Variants in DLG2 observed in about 807,000 individuals in gnomAD.
DLG2 encodes disks large homolog 2.
In DLG2, 45 loss-of-function variants were observed where a neutral mutation model predicts 132.5. The observed-to-expected ratio is 0.34, with a 90% CI of 0.27 to 0.44. The LOEUF (loss-of-function observed/expected upper bound fraction) is 0.44, where lower values mean the gene tolerates loss of function less well. Ranked by LOEUF, DLG2 falls within the 20% of genes least tolerant of loss-of-function variation. The probability of loss-of-function intolerance (pLI) is 1.00; values close to 1 mark genes in which losing one functional copy is unlikely to be tolerated. For missense variants in DLG2, 1,045 were observed against 1,196.9 expected (o/e 0.87, Z 1.87); for synonymous variants, 424 against 419.6 (o/e 1.01, Z -0.13).
At position 84,592,863 on chromosome 11, in the gene DLG2, C is replaced by T. The variant is rs547653133; in HGVS notation, c.358-58132G>A. On this transcript the variant is annotated intron_variant, in intron 6 of 27. Coordinates refer to ENST00000376104, the MANE Select transcript of DLG2 (RefSeq NM_001142699.3). ...CTGTAATCCCAGCACTTTGGGAGGCCAAGGCGAGTGGATCACAAGGTCAGG... is the reference window on the plus strand; with the variant it reads ...CTGTAATCCCAGCACTTTGGGAGGCTAAGGCGAGTGGATCACAAGGTCAGG... Among the ~76,000 whole-genome samples, 20 of 134,334 alleles carry T rather than the reference C, an allele frequency of 1.5e-4. No individual in the cohort carries two copies. In the East Asian group the frequency reaches 3.8e-3, roughly 25 times the overall value. The allele number at this position is 134,334 out of a possible 152,430, so 88.1% of individuals were successfully genotyped here.
intron 6 of DLG2, chr11:84,546,842 T>A (rs749860356): frequency 5.0e-6 from 1 of 198,748 alleles, no homozygotes. Flanking sequence ...GACTTAGACA[T>A]GATGGCAGTA....
At chr11:85,525,704 T>C (rs892539784) in intron 3 of DLG2, among the ~76,000 whole-genome samples, 2 of 152,056 alleles carry the variant, frequency 1.3e-5, no homozygotes, top group Non-Finnish European at 2.9e-5. Flanking sequence ...GGTAAAGAAA[T>C]GAGGTAAGCC....
intron 4 of DLG2, among the ~76,000 whole-genome samples, chr11:85,248,395 C>T (rs1450558831): frequency 2.0e-5 from 3 of 151,880 alleles, no homozygotes; most frequent in African/African-American, 4.8e-5. Flanking sequence ...GTAAATAGTT[C>T]TCAAATGACA....
rs12294391 is a variant in DLG2 at position 85,273,174 on chromosome 11, C to T, written c.186+12046G>A. ...CCCTAGAAGAAAACCTAGGCAATAC[C>T]ACTCAGGACACAGGCATGAGCAAAG... On this transcript the variant is annotated intron_variant, in intron 4 of 27. Coordinates refer to ENST00000376104, the MANE Select transcript of DLG2 (RefSeq NM_001142699.3). 6.0e-3 allele frequency among the ~76,000 whole-genome samples: 911 copies of T among 152,204 alleles called. 10 individuals carry two copies. Among genetic ancestry groups the T allele is most frequent in the African/African-American group, 0.02 (835 of 41,530 alleles).
intron 4 of DLG2, among the ~76,000 whole-genome samples, chr11:85,226,750 T>C (rs1016533869): frequency 2.0e-5 from 3 of 152,128 alleles, no homozygotes; most frequent in African/African-American, 7.2e-5. Flanking sequence ...GACAATGATG[T>C]TATTCACCAG....
At chr11:84,734,647 T>C (rs890203500) in intron 6 of DLG2, among the ~76,000 whole-genome samples, 4 of 152,220 alleles carry the variant, frequency 2.6e-5, no homozygotes, top group African/African-American at 9.7e-5. Context: ...CCTGCCTGAT[T>C]GCCCTGGCCA....
At chr11:83,858,646 G>C (rs1290594942) in intron 16 of DLG2, among the ~76,000 whole-genome samples, 1 of 152,066 alleles carries the variant, frequency 6.6e-6, no homozygotes, top group African/African-American at 2.4e-5. Context: ...TTGAAAGAAG[G>C]ACATTATTAT....
At chr11:83,477,558 A>C (rs1238320460) in intron 22 of DLG2, among the ~76,000 whole-genome samples, 5 of 152,138 alleles carry the variant, frequency 3.3e-5, no homozygotes, top group Non-Finnish European at 7.4e-5. Flanking sequence ...GTGTAACTCC[A>C]GGATACAGTG....
intron 7 of DLG2, among the ~76,000 whole-genome samples, chr11:84,307,267 C>A (rs922046093): frequency 6.6e-6 from 1 of 152,052 alleles, no homozygotes; most frequent in South Asian, 2.1e-4. Context: ...AAATATCGCA[C>A]GTCGTCACTT....
intron 3 of DLG2, among the ~76,000 whole-genome samples, chr11:85,348,231 T>G (rs1176673943): frequency 2.7e-5 from 4 of 150,690 alleles, no homozygotes; most frequent in Non-Finnish European, 5.9e-5. Flanking sequence ...TTGTTTTTAT[T>G]TCTTTTTTTT....
intron 3 of DLG2, among the ~76,000 whole-genome samples, chr11:85,417,651 C>A (rs191276092): frequency 6.6e-6 from 1 of 152,254 alleles, no homozygotes; most frequent in Admixed American, 6.5e-5. Flanking sequence ...AGGGATTCAA[C>A]TTCTTCTTGC....
chr11:84,441,764 C>T (rs2099017880), intron 7 of DLG2, among the ~76,000 whole-genome samples: 1 of 152,118 alleles, frequency 6.6e-6, no homozygotes, highest in Non-Finnish European at 1.5e-5. Context: ...CCCTATATAG[C>T]TGGGGACACA....
intron 21 of DLG2, among the ~76,000 whole-genome samples, chr11:83,494,144 C>G (rs866535264): frequency 3.6e-4 from 55 of 152,084 alleles, no homozygotes; most frequent in African/African-American, 1.3e-3. Flanking sequence ...CCTGTCACAT[C>G]ATCAAGCTGC....
chr11:85,282,602 A>C (rs966880086), intron 4 of DLG2, among the ~76,000 whole-genome samples: 1 of 151,988 alleles, frequency 6.6e-6, no homozygotes, highest in Non-Finnish European at 1.5e-5. Context: ...GTATAAGCGG[A>C]AAGTGAGTGA....
intron 6 of DLG2, among the ~76,000 whole-genome samples, chr11:84,667,979 G>C (rs2099701665): frequency 6.6e-6 from 1 of 152,054 alleles, no homozygotes; most frequent in African/African-American, 2.4e-5. Context: ...GATCTCAAAA[G>C]GCAGACTAGA....
At chr11:84,556,417 G>T (rs2099412072) in intron 6 of DLG2, among the ~76,000 whole-genome samples, 2 of 152,198 alleles carry the variant, frequency 1.3e-5, no homozygotes, top group South Asian at 4.1e-4. Context: ...AACCCTAAAT[G>T]GTTAGAGCAA....
intron 2 of DLG2, among the ~76,000 whole-genome samples, chr11:85,606,235 ATGAT>A (rs1444581195): frequency 1.3e-5 from 2 of 152,234 alleles, no homozygotes; most frequent in East Asian, 3.8e-4. Flanking sequence ...ACAAAATTGA[ATGAT>A]CACAATTTTA....
At chr11:85,597,847 G>A (rs2079881439) in intron 3 of DLG2, among the ~76,000 whole-genome samples, 1 of 151,202 alleles carries the variant, frequency 6.6e-6, no homozygotes, top group South Asian at 2.1e-4. Flanking sequence ...TTTAAATCTG[G>A]CAAAATATAT....
chr11:84,284,715 T>TC, intron 7 of DLG2, among the ~76,000 whole-genome samples: 1 of 152,326 alleles, frequency 6.6e-6, no homozygotes, highest in African/African-American at 2.4e-5. Flanking sequence ...TCTAGAGCCC[T>TC]CAGCCATTCT....
Sources: gnomAD v4.1 joint callset for allele counts (sites outside exome capture counted in the v4.1 genomes callset) on GRCh38, gnomAD v4.1.1 for gene constraint, MANE v1.5 for transcripts, NCBI Gene and HGNC (gene_info 2026-07-23, HGNC 2026-07-21) for gene names.